SLC22A23: variants seen among roughly 807,000 people sequenced by gnomAD.
The protein encoded by SLC22A23 is solute carrier family 22 member 23.
SLC22A23 carries 26 observed loss-of-function variants against 61.0 expected under a neutral mutation model. The ratio of observed to expected loss-of-function variants is 0.43; its 90% CI spans 0.31 to 0.59. The LOEUF is 0.59. SLC22A23 is among the 20% of genes least tolerant of loss of function. SLC22A23 has a pLI of 0.11. For missense variants in SLC22A23, 796 were observed against 934.7 expected, an observed-to-expected ratio of 0.85 and a Z score of 1.94; for synonymous variants, 430 against 413.9, an observed-to-expected ratio of 1.04 and a Z score of -0.47.
Position 3,283,842 on chromosome 6 carries a change from C to T in SLC22A23, c.1703+10G>A, listed in dbSNP as rs1198893069. 6.2e-7 allele frequency: 1 copy of T among 1,613,532 alleles called. No homozygotes were observed. The stretch of plus-strand genomic sequence containing the variant: ...AGCCGGCGTCCCCTGGGGTGTCTCC[C>T]ATGACGCACCTTATCACCGTCGGGG... On this transcript the variant is annotated intron_variant, in intron 9 of 9. Coordinates refer to ENST00000406686, the MANE Select transcript of SLC22A23 (RefSeq NM_015482.2).
Position 3,309,169 on chromosome 6 carries a change from C to T in SLC22A23, c.1083-10951G>A, listed in dbSNP as rs1308964693. Among the ~76,000 whole-genome samples, 1 of 151,980 alleles carries T rather than the reference C, an allele frequency of 6.6e-6. No individual in the cohort carries two copies. The highest frequency in any genetic ancestry group is 2.4e-5 in the African/African-American group (1 of 41,368). ...CGCAAAAATTAGCCAAGCATGGTGG[C>T]GGCTGCCTATAATCCCAGCTATTCA... On this transcript the variant is annotated intron_variant, in intron 4 of 9. Transcript: ENST00000406686. The surrounding 1 kb of genome is among the most constrained non-coding windows in gnomAD (Gnocchi z 4.7).
intron 9 of SLC22A23, among the ~76,000 whole-genome samples, chr6:3,280,244 T>G (rs1029414837): frequency 1.8e-4 from 27 of 152,104 alleles, no homozygotes; most frequent in African/African-American, 6.0e-4. Context: ...CAGTTTTGTT[T>G]TAAGACAAGG....
intron 1 of SLC22A23, among the ~76,000 whole-genome samples, chr6:3,449,211 C>T (rs932128534): frequency 6.6e-6 from 1 of 152,144 alleles, no homozygotes; most frequent in Non-Finnish European, 1.5e-5. Flanking sequence ...GTTATAAGAT[C>T]ATAAAAATGT....
chr6:3,371,499 G>A (rs1463523743), intron 3 of SLC22A23, among the ~76,000 whole-genome samples: 2 of 152,132 alleles, frequency 1.3e-5, no homozygotes, highest in East Asian at 3.8e-4. Context: ...ATGAAAACAG[G>A]CAGCTGGCTT....
chr6:3,299,998 C>CTTTTTTTTTTTTTTTT (rs869114176), intron 4 of SLC22A23, among the ~76,000 whole-genome samples: 9 of 78,804 alleles, frequency 1.1e-4, no homozygotes, highest in African/African-American at 2.2e-4. Context: ...TCAGGATAGA[C>CTTTTTTTTTTTTTTTT]TTTTTTTTTT....
Position 3,308,549 on chromosome 6 carries a change from T to G in SLC22A23, c.1083-10331A>C, listed in dbSNP as rs1014977779. Among the ~76,000 whole-genome samples, 3 of 152,250 alleles carry G rather than the reference T, an allele frequency of 2.0e-5. No homozygotes were observed. The highest frequency in any genetic ancestry group is 7.2e-5 in the African/African-American group (3 of 41,456). On this transcript the variant is annotated intron_variant, in intron 4 of 9. Transcript: ENST00000406686. This position sits in a 1 kb window ranked among gnomAD's most constrained non-coding sequence, Gnocchi z 5.1. ...TCTTGAATAAAAGCACATTAATTCCTACTTGTGAGGGGAGGGCACTAACTC... is the reference window on the plus strand; with the variant it reads ...TCTTGAATAAAAGCACATTAATTCCGACTTGTGAGGGGAGGGCACTAACTC...
At chr6:3,430,658 C>T (rs527621657) in intron 1 of SLC22A23, among the ~76,000 whole-genome samples, 4 of 152,068 alleles carry the variant, frequency 2.6e-5, no homozygotes, top group African/African-American at 4.8e-5. Flanking sequence ...TAAAGAGTAG[C>T]GGCAGCAGAC....
chr6:3,349,939 T>A (rs567118252), intron 3 of SLC22A23, among the ~76,000 whole-genome samples: 2 of 152,344 alleles, frequency 1.3e-5, no homozygotes, highest in Admixed American at 1.3e-4. Flanking sequence ...AGGCAGATGA[T>A]CACGGTCGCC....
In SLC22A23 at chr6:3,297,712, T is replaced by C. The variant is rs1761235805; in HGVS notation, c.1210+379A>G. On this transcript the variant is annotated intron_variant, in intron 5 of 9. Transcript: ENST00000406686. This position sits in a 1 kb window ranked among gnomAD's most constrained non-coding sequence, Gnocchi z 4.3. ...AATGGTGGCTCTCTGAAGGTCATGC[T>C]CAGGAAAGCTGAGGTCACAGGGGCC... Among the ~76,000 whole-genome samples, 1 of 152,184 alleles carries C rather than the reference T, an allele frequency of 6.6e-6. No homozygotes were observed. The highest frequency in any genetic ancestry group is 1.5e-5 in the Non-Finnish European group (1 of 68,036).
At chr6:3,448,674 T>G (rs948783742) in intron 1 of SLC22A23, among the ~76,000 whole-genome samples, 2 of 152,098 alleles carry the variant, frequency 1.3e-5, no homozygotes, top group African/African-American at 4.8e-5. Flanking sequence ...TTTTGTATGT[T>G]TAGTAGAGAC....
chr6:3,357,056 C>CAAAAAAA, intron 3 of SLC22A23, among the ~76,000 whole-genome samples: 1 of 86,066 alleles, frequency 1.2e-5, no homozygotes, highest in Non-Finnish European at 2.2e-5. Flanking sequence ...AAAACAGAGC[C>CAAAAAAA]AAAAAAAAAA....
chr6:3,415,647 TG>T, intron 2 of SLC22A23, 104 bp downstream of exon 2: 2 of 794,374 alleles, frequency 2.5e-6, no homozygotes, highest in Non-Finnish European at 2.0e-6. Flanking sequence ...GCTCTGGCAC[TG>T]GGAAAAGACA....
chr6:3,274,794 C>T (rs936206984), intron 9 of SLC22A23, among the ~76,000 whole-genome samples: 1 of 152,100 alleles, frequency 6.6e-6, no homozygotes, highest in Non-Finnish European at 1.5e-5. Flanking sequence ...GAATGCAAGA[C>T]TTGTATGCTG....
intron 3 of SLC22A23, among the ~76,000 whole-genome samples, chr6:3,340,654 G>A (rs1235429530): frequency 6.6e-6 from 1 of 152,166 alleles, no homozygotes. Context: ...TGAAAAAGCA[G>A]GAGACAATTG....
chr6:3,292,758 T>C (rs1427391509), intron 5 of SLC22A23, among the ~76,000 whole-genome samples: 1 of 152,228 alleles, frequency 6.6e-6, no homozygotes, highest in African/African-American at 2.4e-5. Context: ...AAAGCTACGC[T>C]GTCCTTGCTC....
At position 3,387,983 on chromosome 6, in the gene SLC22A23, G is replaced by T. The variant is rs1767418655; in HGVS notation, c.913+22205C>A. ...AGAGAAGCCCAACAAGTCCCCTCTG[G>T]CAAGTGCAATTTTTCCCACCAGTTA... On this transcript the variant is annotated intron_variant, in intron 3 of 9. Transcript: ENST00000406686. The surrounding 1 kb of genome is among the most constrained non-coding windows in gnomAD (Gnocchi z 5.0). Among the ~76,000 whole-genome samples the T allele has an allele frequency of 6.6e-6, 1 of 152,142 alleles. No homozygotes were observed. Among genetic ancestry groups the T allele is most frequent in the Non-Finnish European group, 1.5e-5 (1 of 68,028 alleles).
intron 1 of SLC22A23, among the ~76,000 whole-genome samples, chr6:3,455,614 AG>A: frequency 6.6e-6 from 1 of 152,198 alleles, no homozygotes; most frequent in Non-Finnish European, 1.5e-5. Context: ...ACTCCTCCAG[AG>A]GGGGCTGGTG....
In SLC22A23 at chr6:3,323,750, G is replaced by C. The variant is rs146256206; in HGVS notation, c.1082+84C>G. 1,037 of 1,440,376 alleles carry C rather than the reference G, an allele frequency of 7.2e-4. 8 individuals carry two copies. In the African/African-American group the frequency reaches 0.011, roughly 15 times the overall value. 89.2% of individuals were successfully genotyped at this position (1,440,376 alleles called of 1,614,324 possible). ...AAGCTGCAACTAGTGGGAAGTGTGG[G>C]GATTGTGTGTCCTGCCCGGGGCCGG... On this transcript the variant is annotated intron_variant, in intron 4 of 9. Transcript: ENST00000406686.
rs1157827278 is a variant in SLC22A23, at chr6:3,322,572, C to T, written c.1082+1262G>A. Among the ~76,000 whole-genome samples, 3 of 152,198 alleles carry T rather than the reference C, an allele frequency of 2.0e-5. No homozygotes were observed. Among genetic ancestry groups the T allele is most frequent in the Admixed American group, 2.0e-4 (3 of 15,278 alleles). ...CGGGCAGCGGTGGCTGCTGAGTGGC[C>T]TCTCTGGCAGGTGGCCTTTTCCCAT... On this transcript the variant is annotated intron_variant, in intron 4 of 9. Coordinates refer to ENST00000406686, the MANE Select transcript of SLC22A23 (RefSeq NM_015482.2). The surrounding 1 kb of genome is among the most constrained non-coding windows in gnomAD (Gnocchi z 4.1).
Sources: allele counts gnomAD v4.1 joint callset (sites outside exome capture counted in the v4.1 genomes callset), GRCh38; gene constraint gnomAD v4.1.1; non-coding constraint Gnocchi (gnomAD v3.1); transcripts MANE v1.5; gene names NCBI Gene and HGNC (gene_info 2026-07-23, HGNC 2026-07-21).